The following PTPRT variants were observed in gnomAD, a reference collection of about 807,000 sequenced individuals.
The protein encoded by PTPRT is receptor-type tyrosine-protein phosphatase T.
In PTPRT, 56 loss-of-function variants were observed where a neutral mutation model predicts 176.8. That is an observed-to-expected ratio of 0.32 (90% CI 0.26 to 0.40). The LOEUF is 0.40. Ranked by LOEUF, PTPRT falls within the 10% of genes least tolerant of loss-of-function variation. The probability of loss-of-function intolerance (pLI) is 1.00; values close to 1 mark genes in which losing one functional copy is unlikely to be tolerated. For missense variants in PTPRT, 1,540 were observed against 1,908.2 expected (o/e 0.81, Z 3.60); for synonymous variants, 783 against 739.0 (o/e 1.06, Z -0.96).
chr20:42,363,021 T>G (rs1351201137), intron 9 of PTPRT, among the ~76,000 whole-genome samples: 1 of 143,608 alleles, frequency 7.0e-6, no homozygotes, highest in Non-Finnish European at 1.5e-5. Context: ...GGAGAATCAC[T>G]TGAATGCAGG....
At chr20:42,185,050 T>C (rs1990718430) in intron 16 of PTPRT, among the ~76,000 whole-genome samples, 1 of 152,068 alleles carries the variant, frequency 6.6e-6, no homozygotes, top group African/African-American at 2.4e-5. Context: ...CCAAATATCT[T>C]CCTTTTTACC....
chr20:42,746,770 T>C (rs1427387447), intron 6 of PTPRT, among the ~76,000 whole-genome samples: 4 of 152,058 alleles, frequency 2.6e-5, no homozygotes, highest in African/African-American at 7.2e-5. Flanking sequence ...TGCTTTGAAA[T>C]AGGGTTCCAG....
At chr20:42,190,819 AAGG>A in intron 16 of PTPRT, among the ~76,000 whole-genome samples, 1 of 152,172 alleles carries the variant, frequency 6.6e-6, no homozygotes, top group East Asian at 1.9e-4. Flanking sequence ...ACATCTACAG[AAGG>A]CAGCATGGAG....
At chr20:42,621,975 G>A (rs1185948574) in intron 7 of PTPRT, among the ~76,000 whole-genome samples, 5 of 152,188 alleles carry the variant, frequency 3.3e-5, no homozygotes, top group African/African-American at 1.2e-4. Context: ...GGTCAGGACA[G>A]TCACCTGAAG....
At chr20:42,486,120 G>A (rs1179292073) in intron 7 of PTPRT, among the ~76,000 whole-genome samples, 1 of 152,208 alleles carries the variant, frequency 6.6e-6, no homozygotes, top group Non-Finnish European at 1.5e-5. Flanking sequence ...CAGAAAAGAT[G>A]AGGGGTTAAA....
chr20:42,821,574 G>C (rs536352250), intron 2 of PTPRT, among the ~76,000 whole-genome samples: 1 of 152,276 alleles, frequency 6.6e-6, no homozygotes, highest in African/African-American at 2.4e-5. Flanking sequence ...TACCAGGCAA[G>C]AGGAAGAAAT....
chr20:42,868,569 T>G (rs574810688), intron 2 of PTPRT, among the ~76,000 whole-genome samples: 1 of 152,302 alleles, frequency 6.6e-6, no homozygotes, highest in East Asian at 1.9e-4. Context: ...GAAGCAGAGC[T>G]TAAAGATTTT....
chr20:43,065,480 A>G (rs556002562), intron 1 of PTPRT, among the ~76,000 whole-genome samples: 52 of 152,348 alleles, frequency 3.4e-4, no homozygotes, highest in Admixed American at 3.4e-3. Context: ...GAAAGAGGAA[A>G]TGGATTTTGG....
chr20:42,299,139 T>C (rs2057424993), intron 12 of PTPRT, among the ~76,000 whole-genome samples: 1 of 151,990 alleles, frequency 6.6e-6, no homozygotes, highest in Non-Finnish European at 1.5e-5. Flanking sequence ...ATGGTAGAGG[T>C]GATGTAAAAG....
rs986489738 is a variant in PTPRT at position 42,633,536 on chromosome 20, C to G, written c.1153+44330G>C. The stretch of plus-strand genomic sequence containing the variant: ...ACAGGCCAGGAGCTATGGCTCACAC[C>G]TGTAATCCCAGCACTTTGGGAGGCT... On this transcript the variant is annotated intron_variant, in intron 7 of 30. Coordinates refer to ENST00000373187, the MANE Select transcript of PTPRT (RefSeq NM_007050.6). Among the ~76,000 whole-genome samples the G allele has an allele frequency of 2.0e-5, 3 of 151,404 alleles. No homozygotes were observed. In the Admixed American group the frequency reaches 2.0e-4, roughly 10 times the overall value.
chr20:42,659,175 C>A (rs1300582155), intron 7 of PTPRT, among the ~76,000 whole-genome samples: 3 of 152,086 alleles, frequency 2.0e-5, no homozygotes, highest in African/African-American at 7.2e-5. Flanking sequence ...GAAGTTTGAA[C>A]AGCTCCAGGC....
At chr20:42,537,339 C>T (rs754216462) in intron 7 of PTPRT, among the ~76,000 whole-genome samples, 2 of 152,074 alleles carry the variant, frequency 1.3e-5, no homozygotes, top group African/African-American at 2.4e-5. Context: ...ATGATTTGTA[C>T]ACTTATAAAG....
intron 1 of PTPRT, among the ~76,000 whole-genome samples, chr20:43,161,849 C>T (rs545389376): frequency 6.6e-6 from 1 of 152,300 alleles, no homozygotes; most frequent in South Asian, 2.1e-4. Flanking sequence ...CAGACCACAG[C>T]GAGCAGAACA....
chr20:42,370,901 C>T (rs536441080), intron 9 of PTPRT, among the ~76,000 whole-genome samples: 1 of 152,192 alleles, frequency 6.6e-6, no homozygotes, highest in African/African-American at 2.4e-5. Context: ...ACCCCAGGTA[C>T]TGGCCCTACA....
rs1985252098 is a variant in PTPRT at position 42,096,507 on chromosome 20, G to C, written c.3846+1914C>G. On this transcript the variant is annotated intron_variant, in intron 27 of 30. Coordinates refer to ENST00000373187, the MANE Select transcript of PTPRT (RefSeq NM_007050.6). ...AATCCCAGCTACATGGGAGGCTGAG[G>C]CATGAGAATCACTTGAACCTGGGAG... 2.0e-5 allele frequency among the ~76,000 whole-genome samples: 3 copies of C among 152,282 alleles called. No homozygotes were observed. The South Asian group carries it at 6.2e-4, about 32-fold the overall frequency.
intron 7 of PTPRT, among the ~76,000 whole-genome samples, chr20:42,560,288 C>T (rs757860813): frequency 4.6e-5 from 7 of 152,130 alleles, no homozygotes; most frequent in Admixed American, 6.5e-5. Flanking sequence ...AGGAGGATGG[C>T]GAGGTTGGGC....
intron 7 of PTPRT, among the ~76,000 whole-genome samples, chr20:42,568,455 G>A (rs1221910443): frequency 6.6e-6 from 1 of 152,218 alleles, no homozygotes. Context: ...CACTTCGTAA[G>A]TGGAGCTAGG....
At chr20:42,089,726 G>A (rs535660639) in intron 27 of PTPRT, among the ~76,000 whole-genome samples, 1 of 152,324 alleles carries the variant, frequency 6.6e-6, no homozygotes, top group Admixed American at 6.5e-5. Flanking sequence ...GCAGGGTGAT[G>A]TGCTGGCAAA....
At chr20:42,962,869 C>G (rs1028169367) in intron 1 of PTPRT, among the ~76,000 whole-genome samples, 2 of 152,078 alleles carry the variant, frequency 1.3e-5, no homozygotes, top group Non-Finnish European at 2.9e-5. Context: ...GAGTTCAAGA[C>G]CAGCCTGGCC....
Sources: allele counts gnomAD v4.1 joint callset (sites outside exome capture counted in the v4.1 genomes callset), GRCh38; gene constraint gnomAD v4.1.1; transcripts MANE v1.5; gene names NCBI Gene and HGNC (gene_info 2026-07-23, HGNC 2026-07-21).